ZNF385B: variants seen among roughly 807,000 people sequenced by gnomAD.
ZNF385B encodes zinc finger protein 533.
A neutral mutation model predicts 39.2 loss-of-function variants in ZNF385B; 23 were observed. The ratio of observed to expected loss-of-function variants is 0.59; its 90% CI spans 0.42 to 0.83. ZNF385B has a LOEUF of 0.83. Ranked by LOEUF, ZNF385B falls within the 40% of genes least tolerant of loss-of-function variation. The probability of loss-of-function intolerance (pLI) is 0.00; values close to 1 mark genes in which losing one functional copy is unlikely to be tolerated. For synonymous variants in ZNF385B, 205 were observed against 222.6 expected (o/e 0.92, Z 0.70); for missense variants, 552 against 598.9 (o/e 0.92, Z 0.82).
At chr2:179,657,994 A>C (rs1207056208) in intron 3 of ZNF385B, among the ~76,000 whole-genome samples, 1 of 152,206 alleles carries the variant, frequency 6.6e-6, no homozygotes, top group African/African-American at 2.4e-5. Flanking sequence ...CAAACCTTAA[A>C]TTTTCAATCA....
intron 5 of ZNF385B, among the ~76,000 whole-genome samples, chr2:179,507,643 C>A (rs2057347716): frequency 6.6e-6 from 1 of 152,068 alleles, no homozygotes; most frequent in Admixed American, 6.5e-5. Flanking sequence ...GCTAGATAAC[C>A]AGATATAGGA....
intron 3 of ZNF385B, among the ~76,000 whole-genome samples, chr2:179,564,933 A>G (rs1362422353): frequency 6.6e-6 from 1 of 152,098 alleles, no homozygotes; most frequent in Non-Finnish European, 1.5e-5. Context: ...ACTTCCTTAC[A>G]TGCAGACTCT....
At chr2:179,704,919 A>T (rs1160108678) in intron 3 of ZNF385B, among the ~76,000 whole-genome samples, 1 of 152,138 alleles carries the variant, frequency 6.6e-6, no homozygotes, top group East Asian at 1.9e-4. Context: ...ATTCCTTAGA[A>T]TACTTGCAGC....
intron 3 of ZNF385B, among the ~76,000 whole-genome samples, chr2:179,763,626 G>A (rs957785635): frequency 1.3e-5 from 2 of 152,130 alleles, no homozygotes; most frequent in African/African-American, 2.4e-5. Flanking sequence ...TCAAATATAA[G>A]CATTTAAGGC....
At chr2:179,848,891 A>G (rs1311984421) in intron 1 of ZNF385B, among the ~76,000 whole-genome samples, 1 of 152,202 alleles carries the variant, frequency 6.6e-6, no homozygotes, top group Non-Finnish European at 1.5e-5. Context: ...AGAGGAATAA[A>G]AAAAGAGAGG....
At chr2:179,815,063 G>A (rs1046561502) in intron 1 of ZNF385B, among the ~76,000 whole-genome samples, 2 of 152,096 alleles carry the variant, frequency 1.3e-5, no homozygotes, top group East Asian at 1.9e-4. Flanking sequence ...CTAGTTAGAC[G>A]GGAATACAAA....
chr2:179,573,437 A>G (rs1685457092), intron 3 of ZNF385B, among the ~76,000 whole-genome samples: 1 of 152,188 alleles, frequency 6.6e-6, no homozygotes, highest in Non-Finnish European at 1.5e-5. Context: ...AGGAAAAAAG[A>G]AAAACCAAAA....
At chr2:179,670,940 G>A (rs1442433216) in intron 3 of ZNF385B, among the ~76,000 whole-genome samples, 3 of 152,196 alleles carry the variant, frequency 2.0e-5, no homozygotes, top group Non-Finnish European at 4.4e-5. Context: ...GTAACTCTGT[G>A]ACCTTGGAAA....
intron 3 of ZNF385B, among the ~76,000 whole-genome samples, chr2:179,566,214 C>T (rs1027538485): frequency 2.0e-5 from 3 of 152,178 alleles, no homozygotes; most frequent in Non-Finnish European, 4.4e-5. Context: ...AAGTTTAAGA[C>T]CTCTTATAAA....
intron 3 of ZNF385B, among the ~76,000 whole-genome samples, chr2:179,648,423 T>C (rs2106240501): frequency 6.6e-6 from 1 of 152,228 alleles, no homozygotes; most frequent in East Asian, 1.9e-4. Context: ...GGTATCAGTG[T>C]AAAGTCATGG....
At chr2:179,720,299 A>G (rs2106403957) in intron 3 of ZNF385B, among the ~76,000 whole-genome samples, 1 of 151,916 alleles carries the variant, frequency 6.6e-6, no homozygotes, top group South Asian at 2.1e-4. Context: ...TAGAATAAAA[A>G]TTTCCAAACA....
At chr2:179,514,873 G>A (rs151157021) in intron 5 of ZNF385B, among the ~76,000 whole-genome samples, 7 of 151,106 alleles carry the variant, frequency 4.6e-5, no homozygotes, top group South Asian at 2.1e-4. Flanking sequence ...CTGCCACCTG[G>A]GTTCAAGCGA....
chr2:179,478,913 C>T (rs2053699098), intron 6 of ZNF385B, among the ~76,000 whole-genome samples: 1 of 152,124 alleles, frequency 6.6e-6, no homozygotes, highest in South Asian at 2.1e-4. Context: ...TGTCATATGG[C>T]ATTATGACAC....
chr2:179,505,696 T>C (rs1287040332), intron 5 of ZNF385B, among the ~76,000 whole-genome samples: 1 of 152,146 alleles, frequency 6.6e-6, no homozygotes, highest in Non-Finnish European at 1.5e-5. Context: ...GTGCTAAATG[T>C]AACACGTATT....
intron 1 of ZNF385B, among the ~76,000 whole-genome samples, chr2:179,792,127 T>C (rs1705365800): frequency 6.6e-6 from 1 of 152,152 alleles, no homozygotes. Flanking sequence ...TGGCACCCCC[T>C]AAAGTGTTCA....
intron 3 of ZNF385B, among the ~76,000 whole-genome samples, chr2:179,686,657 C>T (rs1697947698): frequency 6.6e-6 from 1 of 152,102 alleles, no homozygotes; most frequent in Non-Finnish European, 1.5e-5. Flanking sequence ...TCCATGATCC[C>T]AAAAGCATGG....
At chr2:179,724,478 G>T (rs1342648145) in intron 3 of ZNF385B, among the ~76,000 whole-genome samples, 1 of 152,036 alleles carries the variant, frequency 6.6e-6, no homozygotes, top group African/African-American at 2.4e-5. Flanking sequence ...TTCTTCCAAA[G>T]ACATGCCAAT....
Position 179,493,691 on chromosome 2 carries a change from A to ATG in ZNF385B, c.553-10258_553-10257insCA, listed in dbSNP as rs1559336744. ...TGCATATGCATATACATATACACAT[A>ATG]TATACATATATGTATACACATATGC... On this transcript the variant is annotated intron_variant, in intron 5 of 9. Coordinates refer to ENST00000410066, the MANE Select transcript of ZNF385B (RefSeq NM_152520.6). Among the ~76,000 whole-genome samples the ATG allele has an allele frequency of 3.8e-3, 425 of 111,714 alleles. 22 individuals carry two copies. Among genetic ancestry groups the ATG allele is most frequent in the African/African-American group, 5.9e-3 (185 of 31,300 alleles). The allele number at this position is 111,714 out of a possible 152,430, so 73.3% of individuals were successfully genotyped here. A position where few individuals can be genotyped will look rare whatever the true frequency, so the allele number is the denominator to read the frequency against.
chr2:179,496,448 A>G (rs1033220598), intron 5 of ZNF385B, among the ~76,000 whole-genome samples: 1 of 152,204 alleles, frequency 6.6e-6, no homozygotes, highest in Admixed American at 6.5e-5. Context: ...ATAGCAGAGA[A>G]CTTCCCAAAC....
Sources: allele counts gnomAD v4.1 joint callset (sites outside exome capture counted in the v4.1 genomes callset), GRCh38; gene constraint gnomAD v4.1.1; transcripts MANE v1.5; gene names NCBI Gene and HGNC (gene_info 2026-07-23, HGNC 2026-07-21).